Variants in RARB observed in about 807,000 individuals in gnomAD.
RARB encodes HBV-activated protein.
Under a neutral mutation model 51.9 loss-of-function variants are expected in RARB, and 17 were observed. That is an observed-to-expected ratio of 0.33 (90% CI 0.22 to 0.49). The LOEUF is 0.49. RARB is among the 20% of genes least tolerant of loss of function. RARB has a pLI of 0.99. For missense variants in RARB, 369 were observed against 550.8 expected, an observed-to-expected ratio of 0.67 and a Z score of 3.30; for synonymous variants, 215 against 195.4, an observed-to-expected ratio of 1.10 and a Z score of -0.84.
intron 1 of RARB, among the ~76,000 whole-genome samples, chr3:24,833,784 A>G (rs1478174345): frequency 3.3e-5 from 5 of 152,228 alleles, no homozygotes; most frequent in Admixed American, 3.3e-4. Flanking sequence ...TGATACCCAC[A>G]GGTAGACCTG....
intron 1 of RARB, among the ~76,000 whole-genome samples, chr3:25,433,344 G>C (rs1341175619): frequency 6.6e-6 from 1 of 151,992 alleles, no homozygotes; most frequent in Non-Finnish European, 1.5e-5. Context: ...TATAAGTAGA[G>C]CTCTCACAGC....
intron 2 of RARB, among the ~76,000 whole-genome samples, chr3:24,946,226 T>C (rs1384663549): frequency 7.0e-6 from 1 of 142,598 alleles, no homozygotes; most frequent in Non-Finnish European, 1.5e-5. Context: ...GTCACACCAC[T>C]GCACTCCAGC....
At chr3:24,911,103 G>A (rs1694981457) in intron 2 of RARB, among the ~76,000 whole-genome samples, 1 of 151,932 alleles carries the variant, frequency 6.6e-6, no homozygotes, top group Non-Finnish European at 1.5e-5. Context: ...TTGCCTTATT[G>A]CGTTTCATTA....
At chr3:25,409,387 A>G (rs1017185901) in intron 5 of RARB, among the ~76,000 whole-genome samples, 2 of 152,084 alleles carry the variant, frequency 1.3e-5, no homozygotes, top group African/African-American at 4.8e-5. Context: ...CTGGGGTTGC[A>G]CATTTTCCTG....
rs1559468532 is a variant in RARB, at chr3:25,106,458, G to GGTT, written c.-327-25703_-327-25702insGTT. Among the ~76,000 whole-genome samples, 523 of 107,768 alleles carry GGTT rather than the reference G, an allele frequency of 4.9e-3. 80 individuals carry two copies. Among genetic ancestry groups the GGTT allele is most frequent in the East Asian group, 0.031 (97 of 3,108 alleles). The allele number at this position is 107,768 out of a possible 152,430, so 70.7% of individuals were successfully genotyped here. On this transcript the variant is annotated intron_variant, in intron 3 of 11. Transcript: ENST00000383772. The stretch of plus-strand genomic sequence containing the variant: ...GCCCAGCTACTGTTTTTTGTTTTTT[G>GGTT]TTTTTTTTTGTTTTGTTTTTTTTTT...
chr3:25,526,963 T>G (rs947285400), intron 3 of RARB, among the ~76,000 whole-genome samples: 1 of 152,106 alleles, frequency 6.6e-6, no homozygotes, highest in Admixed American at 6.6e-5. Flanking sequence ...AGGGTGTGTG[T>G]GGGAGGTGGG....
rs1007871916 is a variant in RARB, at chr3:25,253,246, A to C, written c.178+78671A>C. ...TGATACACATGTGTTTTTTTATTCT[A>C]TTCTCTATCAAAACCTGAAGGAAAG... is the stretch of plus-strand genomic sequence containing the variant. On this transcript the variant is annotated intron_variant, in intron 5 of 11. Transcript: ENST00000383772. Among the ~76,000 whole-genome samples, 5 of 152,086 alleles carry C rather than the reference A, an allele frequency of 3.3e-5. No homozygotes were observed. In the South Asian group the frequency reaches 6.2e-4, roughly 19 times the overall value.
intron 2 of RARB, among the ~76,000 whole-genome samples, chr3:24,980,206 T>G (rs964401585): frequency 9.9e-5 from 15 of 152,210 alleles, no homozygotes; most frequent in African/African-American, 3.6e-4. Flanking sequence ...TTAACATTTT[T>G]TTCCTTCATT....
chr3:24,972,213 G>A (rs781215659), intron 2 of RARB, among the ~76,000 whole-genome samples: 5 of 151,754 alleles, frequency 3.3e-5, no homozygotes, highest in Non-Finnish European at 7.4e-5. Context: ...CACTCTTTTA[G>A]CTCCCACATA....
At chr3:25,502,737 C>T (rs1003728646) in intron 3 of RARB, among the ~76,000 whole-genome samples, 28 of 152,146 alleles carry the variant, frequency 1.8e-4, no homozygotes, top group African/African-American at 5.8e-4. Flanking sequence ...TTCCCTCCAT[C>T]CATGTGAACA....
At chr3:24,954,742 A>G (rs948784546) in intron 2 of RARB, among the ~76,000 whole-genome samples, 21 of 152,168 alleles carry the variant, frequency 1.4e-4, no homozygotes, top group Non-Finnish European at 1.0e-4. Context: ...GAAGGAAAGT[A>G]GAGAAAGGAA....
intron 5 of RARB, among the ~76,000 whole-genome samples, chr3:25,294,418 C>G (rs1287897303): frequency 6.6e-6 from 1 of 152,148 alleles, no homozygotes; most frequent in East Asian, 1.9e-4. Context: ...AAATGCCATT[C>G]CAGCTATTTC....
intron 3 of RARB, among the ~76,000 whole-genome samples, chr3:25,504,950 G>A (rs535634122): frequency 4.6e-5 from 7 of 152,050 alleles, no homozygotes; most frequent in South Asian, 4.2e-4. Context: ...TAGAGATGGC[G>A]TTTCATCAAG....
At chr3:24,984,729 A>T (rs1360682382) in intron 2 of RARB, among the ~76,000 whole-genome samples, 1 of 150,068 alleles carries the variant, frequency 6.7e-6, no homozygotes, top group African/African-American at 2.5e-5. Context: ...AAATTTACTA[A>T]AAGTATTTTA....
At chr3:25,475,246 A>G (rs1559422601) in intron 2 of RARB, among the ~76,000 whole-genome samples, 1 of 152,130 alleles carries the variant, frequency 6.6e-6, no homozygotes. Context: ...CTTATTTCTT[A>G]TGAGCTCTGG....
chr3:24,887,571 T>C (rs940380061), intron 2 of RARB, among the ~76,000 whole-genome samples: 2 of 152,194 alleles, frequency 1.3e-5, no homozygotes, highest in Non-Finnish European at 2.9e-5. Flanking sequence ...ATAGCAGCAA[T>C]TGAACAATAG....
intron 4 of RARB, among the ~76,000 whole-genome samples, chr3:25,165,222 C>G (rs1168068746): frequency 6.6e-6 from 1 of 152,120 alleles, no homozygotes; most frequent in Non-Finnish European, 1.5e-5. Context: ...TACTGTGACT[C>G]TTTTTGTCTC....
At chr3:25,467,375 T>A (rs1159671709) in intron 2 of RARB, among the ~76,000 whole-genome samples, 1 of 152,258 alleles carries the variant, frequency 6.6e-6, no homozygotes, top group African/African-American at 2.4e-5. Flanking sequence ...TAGGACGGTC[T>A]CACTCACATG....
intron 3 of RARB, among the ~76,000 whole-genome samples, chr3:25,081,586 C>CATATATATATATATATATATATATAT (rs1161956011): frequency 5.1e-5 from 1 of 19,634 alleles, no homozygotes; most frequent in Non-Finnish European, 8.4e-5. Context: ...GCTTCATATA[C>CATATATATATATATATATATATATAT]ATATATATAT....
Sources: gnomAD v4.1 joint callset for allele counts (sites outside exome capture counted in the v4.1 genomes callset) on GRCh38, gnomAD v4.1.1 for gene constraint, MANE v1.5 for transcripts, NCBI Gene and HGNC (gene_info 2026-07-23, HGNC 2026-07-21) for gene names.